Variants in DCLRE1C observed in about 807,000 individuals in gnomAD.
DCLRE1C encodes the protein protein artemis.
Under a neutral mutation model 61.4 loss-of-function variants are expected in DCLRE1C, and 47 were observed. The ratio of observed to expected loss-of-function variants is 0.77; its 90% CI spans 0.61 to 0.98. DCLRE1C has a LOEUF of 0.98. Ranked by LOEUF, DCLRE1C falls within the 50% of genes least tolerant of loss-of-function variation. The probability of loss-of-function intolerance (pLI) is 0.00; values close to 1 mark genes in which losing one functional copy is unlikely to be tolerated. For missense variants in DCLRE1C, 858 were observed against 816.0 expected (o/e 1.05, Z -0.63); for synonymous variants, 337 against 287.6 (o/e 1.17, Z -1.74).
chr10:14,899,414 C>CT, intron 13 of DCLRE1C: 7 of 1,029,244 alleles, frequency 6.8e-6, no homozygotes, highest in Non-Finnish European at 9.9e-6. Context: ...TGAATGTTTG[C>CT]TTTGATGACA....
intron 13 of DCLRE1C, among the ~76,000 whole-genome samples, chr10:14,912,872 G>A (rs1052806502): frequency 2.7e-5 from 4 of 150,808 alleles, no homozygotes; most frequent in Non-Finnish European, 5.9e-5. Flanking sequence ...TAGTAGAGAC[G>A]GGGTTTCACC....
intron 11 of DCLRE1C, chr10:14,923,632 A>G: frequency 6.4e-6 from 1 of 155,828 alleles, no homozygotes; most frequent in Non-Finnish European, 1.4e-5. Context: ...GAGACACCTC[A>G]TCTCCAAAAA....
intron 4 of DCLRE1C, among the ~76,000 whole-genome samples, chr10:14,939,205 G>A (rs1013837263): frequency 6.6e-6 from 1 of 152,306 alleles, no homozygotes; most frequent in Admixed American, 6.5e-5. Flanking sequence ...GGGAGGCCAA[G>A]GCAGGCGGAT....
At chr10:14,902,380 C>G, downstream of DCLRE1C, 1 of 1,466,738 alleles carries the variant, frequency 6.8e-7, no homozygotes, top group Non-Finnish European at 9.4e-7. Context: ...TCTCTTTCTC[C>G]TATATTTCTT....
chr10:14,923,297 A>G (rs1348496774), intron 11 of DCLRE1C: 6 of 509,500 alleles, frequency 1.2e-5, no homozygotes, highest in South Asian at 8.3e-5. Flanking sequence ...CCTAGAAATC[A>G]GTACATTTAA....
At chr10:14,929,572 G>T (rs557161598) in intron 9 of DCLRE1C, among the ~76,000 whole-genome samples, 1 of 152,094 alleles carries the variant, frequency 6.6e-6, no homozygotes, top group South Asian at 2.1e-4. Flanking sequence ...AGCCTGGGGG[G>T]TCGAGGCTAC....
chr10:14,933,989 G>A (rs1839452807), intron 8 of DCLRE1C, among the ~76,000 whole-genome samples: 1 of 152,120 alleles, frequency 6.6e-6, no homozygotes, highest in Admixed American at 6.6e-5. Context: ...AGCAGGCGAG[G>A]AGGGGGAGGA....
At chr10:14,930,621 C>T (rs1237056658) in intron 9 of DCLRE1C, among the ~76,000 whole-genome samples, 4 of 151,938 alleles carry the variant, frequency 2.6e-5, no homozygotes, top group African/African-American at 7.3e-5. Flanking sequence ...TTACTAGAGA[C>T]GGGGTTTTGC....
chr10:14,910,665 CTA>C (rs1403392567), intron 13 of DCLRE1C, among the ~76,000 whole-genome samples: 1 of 152,164 alleles, frequency 6.6e-6, no homozygotes, highest in Non-Finnish European at 1.5e-5. Flanking sequence ...AAATCAGTGA[CTA>C]TGCCTGATCC....
At chr10:14,951,149 T>A (rs1269853663) in intron 1 of DCLRE1C, among the ~76,000 whole-genome samples, 1 of 151,606 alleles carries the variant, frequency 6.6e-6, no homozygotes. Context: ...GAGGCTGAGG[T>A]GAGTGGATCA....
chr10:14,939,907 T>A (rs753874453), intron 3 of DCLRE1C, 38 bp from the exon 4 acceptor site: 3 of 1,489,702 alleles, frequency 2.0e-6, no homozygotes, highest in South Asian at 2.4e-5. Flanking sequence ...ATATAGCAGT[T>A]TTTCATGGCT....
At chr10:14,901,533 T>C (rs1271803126), downstream of DCLRE1C, among the ~76,000 whole-genome samples, 1 of 152,032 alleles carries the variant, frequency 6.6e-6, no homozygotes, top group African/African-American at 2.4e-5. Flanking sequence ...ATCTTAATAC[T>C]GTACTACTTG....
At position 14,939,752 on chromosome 10, in the gene DCLRE1C, A is replaced by G. The variant is rs562699908; in HGVS notation, c.306+58T>C. On this transcript the variant is annotated intron_variant, in intron 4 of 13. Coordinates refer to ENST00000378278, the MANE Select transcript of DCLRE1C (RefSeq NM_001033855.3). ...TGACTGCAAAATCAAAGAGAAATATAAACAATCATTTTAGCACCACATTTT... is the reference window on the plus strand; with the variant it reads ...TGACTGCAAAATCAAAGAGAAATATGAACAATCATTTTAGCACCACATTTT... 1.9e-5 allele frequency: 27 copies of G among 1,419,138 alleles called. No homozygotes were observed. In the East Asian group the frequency reaches 6.2e-4, roughly 33 times the overall value. The allele number at this position is 1,419,138 out of a possible 1,614,324, so 87.9% of individuals were successfully genotyped here. A position where few individuals can be genotyped will look rare whatever the true frequency, so the allele number is the denominator to read the frequency against.
exon 14 of DCLRE1C, chr10:14,898,968 G>A (rs1833796993): frequency 2.1e-6 from 1 of 467,764 alleles, no homozygotes; most frequent in South Asian, 4.8e-5. Flanking sequence ...TAGTTGTATA[G>A]CTTTTTGAAC....
intron 13 of DCLRE1C, among the ~76,000 whole-genome samples, chr10:14,917,898 C>T (rs918331333): frequency 1.1e-4 from 17 of 152,082 alleles, no homozygotes; most frequent in African/African-American, 2.7e-4. Context: ...ATGGCAAATA[C>T]GCACATTAAA....
chr10:14,937,131 T>C (rs1293129234), intron 4 of DCLRE1C, among the ~76,000 whole-genome samples: 1 of 151,976 alleles, frequency 6.6e-6, no homozygotes, highest in African/African-American at 2.4e-5. Flanking sequence ...AATACAGTAG[T>C]GGTTGCCGGG....
intron 11 of DCLRE1C, among the ~76,000 whole-genome samples, 161 bp downstream of exon 11, chr10:14,926,682 A>G (rs2130831574): frequency 6.6e-6 from 1 of 151,340 alleles, no homozygotes; most frequent in Admixed American, 6.6e-5. Flanking sequence ...AAAGGAATCC[A>G]TGAATAATGA....
chr10:14,936,593 T>C lies in DCLRE1C; in HGVS notation c.307A>G (p.Lys103Glu). ...ISLVDEASGE[K>E]EEIVVTLLPA... ...AAGAGAGTCACAACAATCTCTTCCT[T>C]CTAAAAAGAAAATAAAGAAAAAATA... is the stretch of plus-strand genomic sequence containing the variant. Residue 103 changes from lysine to glutamate, a missense_variant and splice_region_variant, in exon 5 of 14, where the codon AAG becomes GAG. Physicochemically the swap from Lys to Glu is moderately conservative, Grantham distance 56. This residue lies in a region of DCLRE1C where 843 missense variants were observed against 783.5 expected (regional missense o/e 1.08). Coordinates refer to ENST00000378278, the MANE Select transcript of DCLRE1C (RefSeq NM_001033855.3). 1 of 1,611,650 alleles carries C rather than the reference T, an allele frequency of 6.2e-7. No homozygotes were observed. The highest frequency in any genetic ancestry group is 8.5e-7 in the Non-Finnish European group (1 of 1,178,096).
At chr10:14,912,303 G>A (rs957004526) in intron 13 of DCLRE1C, among the ~76,000 whole-genome samples, 19 of 151,998 alleles carry the variant, frequency 1.3e-4, no homozygotes, top group Non-Finnish European at 1.6e-4. Flanking sequence ...TGATCCATCC[G>A]CCTCGGCCTC....
Sources: allele counts gnomAD v4.1 joint callset (sites outside exome capture counted in the v4.1 genomes callset), GRCh38; gene constraint gnomAD v4.1.1; regional missense constraint gnomAD v4.1.1; transcripts MANE v1.5; gene names NCBI Gene and HGNC (gene_info 2026-07-23, HGNC 2026-07-21).